Variants in ASH1L observed in about 807,000 individuals in gnomAD.
ASH1L encodes ASH1 like histone lysine methyltransferase, also known as histone-lysine N-methyltransferase ASH1L.
ASH1L carries 23 observed loss-of-function variants against 269.0 expected under a neutral mutation model. The ratio of observed to expected loss-of-function variants is 0.09; its 90% CI spans 0.06 to 0.12. The LOEUF is 0.12. Ranked by LOEUF, ASH1L falls within the 10% of genes least tolerant of loss-of-function variation. ASH1L has a pLI of 1.00. For missense variants in ASH1L, 2,912 were observed against 3,567.8 expected, an observed-to-expected ratio of 0.82 and a Z score of 4.68; for synonymous variants, 1,187 against 1,253.5, an observed-to-expected ratio of 0.95 and a Z score of 1.12.
At chr1:155,349,247 GA>G in intron 19 of ASH1L, 79 bp downstream of exon 19, 1 of 1,485,306 alleles carries the variant, frequency 6.7e-7, no homozygotes, top group Non-Finnish European at 9.1e-7. Flanking sequence ...GCTGATAGAG[GA>G]GGGTAAAAAT....
chr1:155,409,781 T>C (rs1251265061), intron 6 of ASH1L, among the ~76,000 whole-genome samples: 1 of 152,150 alleles, frequency 6.6e-6, no homozygotes, highest in East Asian at 1.9e-4. Context: ...CCAAGATTTT[T>C]TTAAACCTAA....
chr1:155,410,229 T>C (rs376332650), intron 6 of ASH1L, among the ~76,000 whole-genome samples: 2 of 152,234 alleles, frequency 1.3e-5, no homozygotes, highest in South Asian at 4.1e-4. Context: ...TGGACTCAAG[T>C]GATCTGCTCA....
At position 155,338,076 on chromosome 1, in the gene ASH1L, T is replaced by C. The variant is rs528295535; in HGVS notation, c.8803+13A>G. ...TTATCTTAAACCCTAGATATGAACC[T>C]GATTCTTCTTACCATTTTTTCCAGG... is the stretch of plus-strand genomic sequence containing the variant. On this transcript the variant is annotated intron_variant, in intron 27 of 27. Coordinates refer to ENST00000392403, the MANE Select transcript of ASH1L (RefSeq NM_018489.3). The C allele has an allele frequency of 3.2e-5, 51 of 1,610,568 alleles. No homozygotes were observed. In the Middle Eastern group the frequency reaches 4.9e-4, roughly 16 times the overall value.
intron 1 of ASH1L, among the ~76,000 whole-genome samples, chr1:155,532,246 T>G (rs1345770257): frequency 6.6e-6 from 1 of 152,198 alleles, no homozygotes; most frequent in Non-Finnish European, 1.5e-5. Flanking sequence ...CAGCATTAAA[T>G]ACTTTTGCAC....
In ASH1L at chr1:155,478,179, G is replaced by C; in HGVS notation, c.4691C>G (p.Ser1564Cys). The change falls in exon 3 of 28, where the codon TCT (serine) becomes TGT (cysteine). Residue 1564 changes from serine (S) to cysteine (C), a missense_variant. Around this residue, in one of 13 missense-constraint regions of ASH1L, gnomAD observed 789 missense variants for 897.6 expected, o/e 0.88. Coordinates refer to ENST00000392403, the MANE Select transcript of ASH1L (RefSeq NM_018489.3). The surrounding 1 kb of genome is among the most constrained non-coding windows in gnomAD (Gnocchi z 4.6). ...EQWVHREPSE[S>C]SPLALGLQTP... ...CTGCAATCCCAAGGCCAATGGACTA[G>C]ATTCTGAAGGCTCTCGGTGGACCCA... 6.2e-7 allele frequency: 1 copy of C among 1,614,162 alleles called. No individual in the cohort carries two copies. The highest frequency in any genetic ancestry group is 8.5e-7 in the Non-Finnish European group (1 of 1,180,036).
rs115881087 is a variant in ASH1L, at chr1:155,436,944, A to G, written c.5828+1383T>C. Among the ~76,000 whole-genome samples the G allele has an allele frequency of 3.3e-3, 501 of 152,260 alleles. 3 individuals are homozygous for G. Among genetic ancestry groups the G allele is most frequent in the African/African-American group, 0.012 (484 of 41,550 alleles). On this transcript the variant is annotated intron_variant, in intron 5 of 27. Transcript: ENST00000392403. ...TGATTTGTCAAAAAGACTGTCTTTT[A>G]CCCTGCTGAATGGTTTTGGCACCTT... is the stretch of plus-strand genomic sequence containing the variant.
intron 2 of ASH1L, among the ~76,000 whole-genome samples, chr1:155,502,884 T>C (rs962902441): frequency 6.6e-5 from 10 of 152,230 alleles, no homozygotes; most frequent in Non-Finnish European, 1.2e-4. Context: ...TTGAGACAAA[T>C]AGAATTTTTA....
At chr1:155,539,937 C>T (rs1670312097) in intron 1 of ASH1L, among the ~76,000 whole-genome samples, 1 of 151,960 alleles carries the variant, frequency 6.6e-6, no homozygotes, top group African/African-American at 2.4e-5. Flanking sequence ...TGTTGTGGCA[C>T]ACCCACCTGT....
rs575529031 is a variant in ASH1L at position 155,436,787 on chromosome 1, G to A, written c.5828+1540C>T. ...TAGAATTACAGGCGTGAGCCACCACGCCTGGCCAAGAGTTTCTGGTTTTAG... is the reference window on the plus strand; with the variant it reads ...TAGAATTACAGGCGTGAGCCACCACACCTGGCCAAGAGTTTCTGGTTTTAG... On this transcript the variant is annotated intron_variant, in intron 5 of 27. Coordinates refer to ENST00000392403, the MANE Select transcript of ASH1L (RefSeq NM_018489.3). 6.4e-4 allele frequency among the ~76,000 whole-genome samples: 97 copies of A among 152,146 alleles called. 1 individual carries two copies. Among genetic ancestry groups the A allele is most frequent in the South Asian group, 1.2e-3 (6 of 4,822 alleles).
Position 155,359,635 on chromosome 1 carries a change from G to A in ASH1L, c.6795+666C>T, listed in dbSNP as rs184318599. Among the ~76,000 whole-genome samples, 20 of 151,522 alleles carry A rather than the reference G, an allele frequency of 1.3e-4. No homozygotes were observed. In the East Asian group the frequency reaches 3.7e-3, roughly 28 times the overall value. ...CTGTTCCACAGGCTGCAGTGCATTG[G>A]CGTGGTCCTGGCTCACTGCAACCTC... On this transcript the variant is annotated intron_variant, in intron 13 of 27. Coordinates refer to ENST00000392403, the MANE Select transcript of ASH1L (RefSeq NM_018489.3).
chr1:155,485,039 A>C (rs1187995271), intron 2 of ASH1L, among the ~76,000 whole-genome samples: 1 of 151,428 alleles, frequency 6.6e-6, no homozygotes, highest in Non-Finnish European at 1.5e-5. Flanking sequence ...CGGGTGGATC[A>C]CCTGAGGTCA....
At chr1:155,419,788 C>T (rs1660520007) in intron 5 of ASH1L, among the ~76,000 whole-genome samples, 1 of 152,058 alleles carries the variant, frequency 6.6e-6, no homozygotes, top group Admixed American at 6.6e-5. Context: ...GAGGTCCTAG[C>T]CAGTGCAAAA....
In ASH1L at chr1:155,562,323, G is replaced by C. The variant is rs753772495; in HGVS notation, c.-270C>G. Reference sequence around the variant, plus strand: ...GGCGGAAATGCGAGAGAGGAGAAGGGAAAGGTGGAAGGCTAAAGGGGGCAA... The same window carrying C: ...GGCGGAAATGCGAGAGAGGAGAAGGCAAAGGTGGAAGGCTAAAGGGGGCAA... On this transcript the variant is annotated 5_prime_UTR_variant, in exon 1 of 28. Coordinates refer to ENST00000392403, the MANE Select transcript of ASH1L (RefSeq NM_018489.3). The C allele has an allele frequency of 2.5e-6, 4 of 1,578,648 alleles. No individual in the cohort carries two copies. The highest frequency in any genetic ancestry group is 1.1e-5 in the South Asian group (1 of 89,832).
intron 12 of ASH1L, among the ~76,000 whole-genome samples, chr1:155,364,757 T>G (rs1351612292): frequency 6.6e-6 from 1 of 151,846 alleles, no homozygotes; most frequent in Non-Finnish European, 1.5e-5. Context: ...CTGGACAACA[T>G]GGCACAACCC....
chr1:155,449,547 T>A (rs1663312780), intron 4 of ASH1L, among the ~76,000 whole-genome samples: 1 of 147,680 alleles, frequency 6.8e-6, no homozygotes, highest in Non-Finnish European at 1.5e-5. Flanking sequence ...TGAGACAGAG[T>A]CTCGCTCTAT....
At chr1:155,448,345 TTTGTTG>T (rs112178568) in intron 4 of ASH1L, among the ~76,000 whole-genome samples, 5 of 151,688 alleles carry the variant, frequency 3.3e-5, no homozygotes, top group East Asian at 1.9e-4. Context: ...TTCTTTTCGT[TTTGTTG>T]TTGTTGTTGT....
At position 155,480,188 on chromosome 1, in the gene ASH1L, C is replaced by G. The variant is rs1036757061; in HGVS notation, c.2682G>C (p.Lys894Asn). 13 of 1,614,148 alleles carry G rather than the reference C, an allele frequency of 8.1e-6. No homozygotes were observed. Among genetic ancestry groups the G allele is most frequent in the Non-Finnish European group, 1.0e-5 (12 of 1,180,008 alleles). ...SPFPKKRGRP[K>N]RQMRSPVKMK... ...TCTTGACTGGTGACCTCATTTGCCT[C>G]TTAGGCCTGCCTCTCTTTTTTGGAA... The change falls in exon 3 of 28, where the codon AAG becomes AAC. Residue 894 changes from lysine (K) to asparagine (N), a missense_variant. Physicochemically the swap from Lys to Asn is moderately conservative, Grantham distance 94. Transcript: ENST00000392403.
chr1:155,486,225 G>C (rs1387870484), intron 2 of ASH1L, among the ~76,000 whole-genome samples: 1 of 152,068 alleles, frequency 6.6e-6, no homozygotes, highest in Non-Finnish European at 1.5e-5. Flanking sequence ...CACAATACAT[G>C]TGGTACTTGA....
At chr1:155,492,685 C>T (rs188267192) in intron 2 of ASH1L, among the ~76,000 whole-genome samples, 1 of 151,286 alleles carries the variant, frequency 6.6e-6, no homozygotes, top group Admixed American at 6.6e-5. Flanking sequence ...ATTATTGTGC[C>T]ACTAATATAT....
Sources: gnomAD v4.1 joint callset for allele counts (sites outside exome capture counted in the v4.1 genomes callset) on GRCh38, gnomAD v4.1.1 for gene constraint, gnomAD v4.1.1 regional missense constraint, Gnocchi (gnomAD v3.1) non-coding constraint, MANE v1.5 for transcripts, NCBI Gene and HGNC (gene_info 2026-07-23, HGNC 2026-07-21) for gene names.